Variants in CDC42SE2 observed in about 807,000 individuals in gnomAD.
CDC42SE2 encodes the protein CDC42 small effector protein 2.
CDC42SE2 carries 3 observed loss-of-function variants against 11.5 expected under a neutral mutation model. That is an observed-to-expected ratio of 0.26 (90% CI 0.12 to 0.67). CDC42SE2 has a LOEUF of 0.67. CDC42SE2 is among the 30% of genes least tolerant of loss of function. The probability of loss-of-function intolerance (pLI) is 0.80; values close to 1 mark genes in which losing one functional copy is unlikely to be tolerated. For missense variants in CDC42SE2, 82 were observed against 106.8 expected (o/e 0.77, Z 1.02); for synonymous variants, 33 against 34.8 (o/e 0.95, Z 0.18).
chr5:131,306,551 C>T (rs1032615497), intron 1 of CDC42SE2, among the ~76,000 whole-genome samples: 5 of 152,088 alleles, frequency 3.3e-5, no homozygotes, highest in Admixed American at 3.3e-4. Context: ...TTGTTTTGCT[C>T]AAGATTGCTT....
chr5:131,256,136 G>A (rs1017414989), intron 2 of CDC42SE2, among the ~76,000 whole-genome samples: 4 of 152,290 alleles, frequency 2.6e-5, no homozygotes, highest in African/African-American at 4.8e-5. Context: ...AGGACTACCA[G>A]CTTGTTACTT....
In CDC42SE2 at chr5:131,281,530, T is replaced by C. The variant is rs146138660; in HGVS notation, c.-455+17364T>C. Among the ~76,000 whole-genome samples, 501 of 152,314 alleles carry C rather than the reference T, an allele frequency of 3.3e-3. 6 individuals are homozygous for C. The highest frequency in any genetic ancestry group is 0.012 in the African/African-American group (492 of 41,578). ...GTGTTTAGAATTATTCCATACATTTTGCTGTTGAAAAAATAGTATTTAAAG... is the reference window on the plus strand; with the variant it reads ...GTGTTTAGAATTATTCCATACATTTCGCTGTTGAAAAAATAGTATTTAAAG... On this transcript the variant is annotated intron_variant, in intron 1 of 4. Coordinates refer to ENST00000505065, the MANE Select transcript of CDC42SE2 (RefSeq NM_001375635.1).
At chr5:131,366,051 G>A (rs962812861) in intron 3 of CDC42SE2, among the ~76,000 whole-genome samples, 4 of 152,174 alleles carry the variant, frequency 2.6e-5, no homozygotes, top group African/African-American at 7.2e-5. Context: ...AAACATCATA[G>A]AAGACTGATT....
intron 1 of CDC42SE2, among the ~76,000 whole-genome samples, chr5:131,315,680 T>G (rs1029979811): frequency 5.3e-5 from 8 of 152,224 alleles, no homozygotes; most frequent in African/African-American, 1.9e-4. Flanking sequence ...CAGTTATCCT[T>G]TAACCATGCA....
At chr5:131,220,857 C>T in the CDC42SE2 span, among the ~76,000 whole-genome samples, 1 of 150,670 alleles carries the variant, frequency 6.6e-6, no homozygotes, top group Non-Finnish European at 1.5e-5. Context: ...CAAACCAAAA[C>T]GTCTATAGGA....
chr5:131,263,958 G>C (rs900353840), upstream of CDC42SE2: 5 of 151,488 alleles, frequency 3.3e-5, no homozygotes, highest in African/African-American at 1.2e-4. Flanking sequence ...CGCTGCAGCT[G>C]CGCAACGGCG....
intron 2 of CDC42SE2, among the ~76,000 whole-genome samples, chr5:131,350,111 C>G (rs1240244717): frequency 6.6e-6 from 1 of 151,884 alleles, no homozygotes; most frequent in Non-Finnish European, 1.5e-5. Flanking sequence ...TTAATGTGTA[C>G]AAGGGCCTTG....
At chr5:131,365,925 T>C (rs1406447375) in intron 3 of CDC42SE2, among the ~76,000 whole-genome samples, 1 of 152,082 alleles carries the variant, frequency 6.6e-6, no homozygotes, top group East Asian at 1.9e-4. Flanking sequence ...GAGCTTGCAG[T>C]GAGTGGAGAT....
intron 1 of CDC42SE2, among the ~76,000 whole-genome samples, chr5:131,302,211 C>G (rs1757698645): frequency 6.6e-6 from 1 of 150,458 alleles, no homozygotes. Context: ...CGGAGTTTTG[C>G]TTTTGTTGCC....
Position 131,294,070 on chromosome 5 carries a change from T to C in CDC42SE2, c.-454-21906T>C, listed in dbSNP as rs555974704. Among the ~76,000 whole-genome samples, 36 of 152,320 alleles carry C rather than the reference T, an allele frequency of 2.4e-4. 1 individual carries two copies. The highest frequency in any genetic ancestry group is 7.9e-4 in the African/African-American group (33 of 41,564). The stretch of plus-strand genomic sequence containing the variant: ...GCTGGTAGAAGAAATTGTGTGTTAA[T>C]GATATTGTCAATGCAGGAGGGCCAC... On this transcript the variant is annotated intron_variant, in intron 1 of 4. Coordinates refer to ENST00000505065, the MANE Select transcript of CDC42SE2 (RefSeq NM_001375635.1).
chr5:131,385,458 T>C, intron 3 of CDC42SE2, 85 bp from the exon 4 acceptor site: 4 of 914,308 alleles, frequency 4.4e-6, no homozygotes, highest in Non-Finnish European at 6.7e-6. Flanking sequence ...TTGGCAAATT[T>C]ATTAAACAGT....
chr5:131,297,719 C>G (rs1405698398), intron 1 of CDC42SE2, among the ~76,000 whole-genome samples: 1 of 149,118 alleles, frequency 6.7e-6, no homozygotes, highest in Admixed American at 6.6e-5. Context: ...GACTCCATTT[C>G]AAAAATAAAT....
chr5:131,228,481 T>A, the CDC42SE2 span, among the ~76,000 whole-genome samples: 1 of 152,234 alleles, frequency 6.6e-6, no homozygotes, highest in Non-Finnish European at 1.5e-5. Context: ...CTTCAGTCTT[T>A]GACTTCTGTG....
intron 4 of CDC42SE2, among the ~76,000 whole-genome samples, chr5:131,389,904 C>T (rs543826491): frequency 2.0e-5 from 3 of 152,316 alleles, no homozygotes; most frequent in South Asian, 2.1e-4. Flanking sequence ...TAGCCTGACT[C>T]TCCAATTCTC....
At chr5:131,301,631 G>A (rs1757684835) in intron 1 of CDC42SE2, among the ~76,000 whole-genome samples, 2 of 151,926 alleles carry the variant, frequency 1.3e-5, no homozygotes, top group South Asian at 4.2e-4. Flanking sequence ...GGTGGCGCGT[G>A]CCTGTAATTC....
intron 2 of CDC42SE2, among the ~76,000 whole-genome samples, chr5:131,349,325 C>T (rs1273553148): frequency 8.8e-6 from 1 of 113,798 alleles, no homozygotes; most frequent in Non-Finnish European, 1.7e-5. Context: ...GAACATCACA[C>T]ACTGGGGCCT....
chr5:131,261,838 G>A (rs1206518348), upstream of CDC42SE2, among the ~76,000 whole-genome samples: 1 of 142,006 alleles, frequency 7.0e-6, no homozygotes, highest in African/African-American at 2.6e-5. Flanking sequence ...CAGCCTGGGT[G>A]ACAAAGTGAG....
At chr5:131,345,337 A>G (rs1237135150) in intron 2 of CDC42SE2, among the ~76,000 whole-genome samples, 4 of 152,190 alleles carry the variant, frequency 2.6e-5, no homozygotes, top group Admixed American at 2.0e-4. Context: ...AAACCATGGC[A>G]CAAGAACTAC....
upstream of CDC42SE2, among the ~76,000 whole-genome samples, chr5:131,263,354 C>G (rs565191944): frequency 6.6e-6 from 1 of 152,062 alleles, no homozygotes; most frequent in South Asian, 2.1e-4. Flanking sequence ...TTTGAACTTA[C>G]GATAAAGTTT....
Sources: allele counts gnomAD v4.1 joint callset (sites outside exome capture counted in the v4.1 genomes callset), GRCh38; gene constraint gnomAD v4.1.1; transcripts MANE v1.5; gene names NCBI Gene and HGNC (gene_info 2026-07-23, HGNC 2026-07-21).